The following AKR1C8 variants were observed in gnomAD, a reference collection of about 807,000 sequenced individuals.
The protein encoded by AKR1C8 is aldo-keto reductase family 1 member C8, also known as aldo-keto reductase family 1 member C-like protein 1.
chr10:5,135,243 C>G, the AKR1C8 span: 2 of 215,440 alleles, frequency 9.3e-6, no homozygotes, highest in Non-Finnish European at 2.0e-5. Flanking sequence ...TCATTCCTTT[C>G]GCTAAGCAGA....
the AKR1C8 span, among the ~76,000 whole-genome samples, chr10:5,120,415 G>C: frequency 6.6e-6 from 1 of 152,100 alleles, no homozygotes; most frequent in African/African-American, 2.4e-5. Context: ...TCAGCAAAAA[G>C]TGATTACTGT....
At chr10:5,180,768 G>A in the AKR1C8 span, among the ~76,000 whole-genome samples, 101 of 152,326 alleles carry the variant, frequency 6.6e-4, 1 homozygote, top group African/African-American at 2.3e-3. Flanking sequence ...GCTAGACTCC[G>A]TGGACATAGG....
At chr10:5,163,047 G>A in the AKR1C8 span, 5 of 514,668 alleles carry the variant, frequency 9.7e-6, no homozygotes, top group Middle Eastern at 3.5e-4. Flanking sequence ...AAGAGTTGTT[G>A]ATCTGCCCAA....
the AKR1C8 span, chr10:5,123,272 A>T: frequency 4.5e-6 from 1 of 222,482 alleles, no homozygotes; most frequent in Non-Finnish European, 1.0e-5. Flanking sequence ...CCAACGCCTC[A>T]CCTGCATGTT....
the AKR1C8 span, among the ~76,000 whole-genome samples, chr10:5,141,248 A>T: frequency 6.6e-6 from 1 of 152,182 alleles, no homozygotes; most frequent in Non-Finnish European, 1.5e-5. Context: ...TTAAAGTTTT[A>T]TCATGAAATT....
At chr10:5,134,198 G>A in the AKR1C8 span, among the ~76,000 whole-genome samples, 2 of 152,100 alleles carry the variant, frequency 1.3e-5, no homozygotes, top group African/African-American at 4.8e-5. Flanking sequence ...TTGCTGTGGA[G>A]GCACTCAAGG....
chr10:5,142,343 C>A, the AKR1C8 span, among the ~76,000 whole-genome samples: 37 of 152,082 alleles, frequency 2.4e-4, no homozygotes, highest in Non-Finnish European at 4.6e-4. Context: ...TGCATTCTAA[C>A]CATTTCGTAT....
chr10:5,157,111 C>T, the AKR1C8 span, among the ~76,000 whole-genome samples: 13 of 152,114 alleles, frequency 8.5e-5, no homozygotes, highest in Non-Finnish European at 1.9e-4. Flanking sequence ...CCAGAAGGAG[C>T]CATTGTATTT....
At chr10:5,168,679 T>A in the AKR1C8 span, among the ~76,000 whole-genome samples, 5 of 152,056 alleles carry the variant, frequency 3.3e-5, no homozygotes, top group Admixed American at 1.3e-4. Flanking sequence ...ACAAAGAGAT[T>A]CAGAGATGAA....
the AKR1C8 span, among the ~76,000 whole-genome samples, chr10:5,130,060 G>T: frequency 6.7e-4 from 102 of 151,888 alleles, no homozygotes; most frequent in African/African-American, 2.4e-3. Context: ...ATATCAAAAA[G>T]ATAATACATC....
At chr10:5,177,587 C>T in the AKR1C8 span, among the ~76,000 whole-genome samples, 41 of 152,210 alleles carry the variant, frequency 2.7e-4, no homozygotes, top group Admixed American at 2.2e-3. Context: ...TGGTAGAATT[C>T]GGCTGTGAAT....
chr10:5,132,756 C>G, the AKR1C8 span: 1 of 1,441,902 alleles, frequency 6.9e-7, no homozygotes, highest in Non-Finnish European at 9.6e-7. Context: ...CTCCACAACT[C>G]TATTCCTAGG....
the AKR1C8 span, chr10:5,157,874 C>A: frequency 2.5e-6 from 1 of 394,752 alleles, no homozygotes. Context: ...TCCTTTTCCC[C>A]AAATTCTCCA....
the AKR1C8 span, chr10:5,132,501 A>G: frequency 0.38 from 437,380 of 1,144,156 alleles, 89,144 homozygotes; most frequent in Non-Finnish European, 0.41. Context: ...ATTGGAACCA[A>G]TAAGCACAAT....
At chr10:5,142,641 A>G in the AKR1C8 span, among the ~76,000 whole-genome samples, 3 of 152,148 alleles carry the variant, frequency 2.0e-5, no homozygotes, top group Non-Finnish European at 4.4e-5. Context: ...TAGGGGAACC[A>G]CCTGTCACTG....
At chr10:5,141,719 G>A in the AKR1C8 span, among the ~76,000 whole-genome samples, 1 of 152,084 alleles carries the variant, frequency 6.6e-6, no homozygotes, top group East Asian at 1.9e-4. Flanking sequence ...ATTTTGAAAG[G>A]AATCTCTATT....
the AKR1C8 span, chr10:5,154,089 T>C: frequency 6.1e-5 from 28 of 461,222 alleles, no homozygotes; most frequent in Admixed American, 6.7e-4. Flanking sequence ...AAATCCTCTC[T>C]CTGTCACCTA....
chr10:5,160,296 C>T, the AKR1C8 span, among the ~76,000 whole-genome samples: 1 of 151,914 alleles, frequency 6.6e-6, no homozygotes, highest in Admixed American at 6.6e-5. Context: ...AGTTCCTTAA[C>T]AAATTATACC....
the AKR1C8 span, among the ~76,000 whole-genome samples, chr10:5,133,658 G>C: frequency 6.6e-6 from 1 of 152,150 alleles, no homozygotes; most frequent in Non-Finnish European, 1.5e-5. Flanking sequence ...TCCAAGTCTT[G>C]TAAACAAAGC....
Sources: allele counts gnomAD v4.1 joint callset (sites outside exome capture counted in the v4.1 genomes callset), GRCh38; gene constraint gnomAD v4.1.1; transcripts MANE v1.5; gene names NCBI Gene and HGNC (gene_info 2026-07-23, HGNC 2026-07-21).